The following TAFA5 variants were observed in gnomAD, a reference collection of about 807,000 sequenced individuals.
TAFA5 encodes the protein chemokine-like protein TAFA-5.
Under a neutral mutation model 15.3 loss-of-function variants are expected in TAFA5, and 6 were observed. The observed-to-expected ratio is 0.39, with a 90% CI of 0.21 to 0.77. The LOEUF is 0.77. Ranked by LOEUF, TAFA5 falls within the 30% of genes least tolerant of loss-of-function variation. The probability of loss-of-function intolerance (pLI) is 0.41; values close to 1 mark genes in which losing one functional copy is unlikely to be tolerated. For synonymous variants in TAFA5, 103 were observed against 80.7 expected, an observed-to-expected ratio of 1.28 and a Z score of -1.48; for missense variants, 161 against 193.1, an observed-to-expected ratio of 0.83 and a Z score of 0.98.
chr22:48,613,096 C>T (rs1337246601), intron 1 of TAFA5, among the ~76,000 whole-genome samples: 1 of 152,216 alleles, frequency 6.6e-6, no homozygotes, highest in Non-Finnish European at 1.5e-5. Flanking sequence ...CGGCCATTTC[C>T]AGACGGTTCC....
intron 2 of TAFA5, among the ~76,000 whole-genome samples, chr22:48,654,113 G>T (rs1034299940): frequency 3.9e-5 from 6 of 152,138 alleles, no homozygotes; most frequent in African/African-American, 1.4e-4. Flanking sequence ...CGTTGGCGCC[G>T]CGGCTCTGGA....
At chr22:48,689,541 C>T (rs1473802464) in intron 2 of TAFA5, among the ~76,000 whole-genome samples, 2 of 152,166 alleles carry the variant, frequency 1.3e-5, no homozygotes, top group Admixed American at 1.3e-4. Context: ...TGGGTGGAGA[C>T]AAAGTGGTGA....
chr22:48,567,296 C>T (rs1055270136), intron 1 of TAFA5, among the ~76,000 whole-genome samples: 1 of 152,220 alleles, frequency 6.6e-6, no homozygotes, highest in Non-Finnish European at 1.5e-5. Flanking sequence ...GGAGGGCCCT[C>T]GTGTGTGCCC....
chr22:48,663,763 A>G (rs1927524007), intron 2 of TAFA5, among the ~76,000 whole-genome samples: 1 of 152,204 alleles, frequency 6.6e-6, no homozygotes, highest in Non-Finnish European at 1.5e-5. Context: ...CACACTGTCC[A>G]AGTCAGCTGC....
At chr22:48,501,637 A>T (rs986440350) in intron 1 of TAFA5, among the ~76,000 whole-genome samples, 1 of 152,166 alleles carries the variant, frequency 6.6e-6, no homozygotes, top group Non-Finnish European at 1.5e-5. Context: ...CCCAGGCCTC[A>T]CGGGCCCCAG....
At chr22:48,629,874 G>A (rs372715880) in intron 1 of TAFA5, among the ~76,000 whole-genome samples, 3 of 152,074 alleles carry the variant, frequency 2.0e-5, no homozygotes, top group African/African-American at 4.8e-5. Flanking sequence ...CGGCAACGCC[G>A]AGTGTCCTCC....
At chr22:48,699,286 A>G (rs138651475) in intron 2 of TAFA5, among the ~76,000 whole-genome samples, 1 of 152,288 alleles carries the variant, frequency 6.6e-6, no homozygotes, top group Non-Finnish European at 1.5e-5. Flanking sequence ...CATTGTTCTG[A>G]TTACAATGTT....
chr22:48,675,308 A>G (rs1927937960), intron 2 of TAFA5, among the ~76,000 whole-genome samples: 1 of 152,196 alleles, frequency 6.6e-6, no homozygotes, highest in Admixed American at 6.5e-5. Context: ...GAGATGCAGG[A>G]CTCAGGAGGC....
intron 1 of TAFA5, among the ~76,000 whole-genome samples, chr22:48,492,532 G>T (rs1056880835): frequency 2.6e-5 from 4 of 152,124 alleles, no homozygotes; most frequent in African/African-American, 7.2e-5. Context: ...CGTGTGCTGG[G>T]ATCCATATAG....
At chr22:48,576,587 C>T (rs372699170) in intron 1 of TAFA5, 1 of 1,441,350 alleles carries the variant, frequency 6.9e-7, no homozygotes, top group Non-Finnish European at 9.2e-7. Flanking sequence ...TGTCCCCGGG[C>T]GCGCGGACCG....
intron 1 of TAFA5, among the ~76,000 whole-genome samples, chr22:48,609,784 G>A (rs1037606276): frequency 6.6e-6 from 1 of 152,198 alleles, no homozygotes; most frequent in Non-Finnish European, 1.5e-5. Flanking sequence ...CCTTCTGAGG[G>A]TCTTGGGGGA....
At chr22:48,605,116 G>A (rs1353764033) in intron 1 of TAFA5, among the ~76,000 whole-genome samples, 1 of 126,958 alleles carries the variant, frequency 7.9e-6, no homozygotes, top group Non-Finnish European at 1.7e-5. Flanking sequence ...AGGAAGAGGT[G>A]GAGGACTGAA....
intron 1 of TAFA5, among the ~76,000 whole-genome samples, chr22:48,528,082 C>T (rs1461365324): frequency 1.3e-5 from 2 of 152,248 alleles, no homozygotes; most frequent in Non-Finnish European, 2.9e-5. Context: ...CCCCGGGGCC[C>T]CCCGGTGCCT....
At chr22:48,596,849 C>T (rs748732961) in intron 1 of TAFA5, among the ~76,000 whole-genome samples, 8 of 152,256 alleles carry the variant, frequency 5.3e-5, no homozygotes, top group East Asian at 3.9e-4. Flanking sequence ...CCTTCTGTCA[C>T]CCAAGCTGGA....
intron 2 of TAFA5, among the ~76,000 whole-genome samples, chr22:48,674,847 C>T (rs1218931708): frequency 2.0e-5 from 3 of 152,116 alleles, no homozygotes; most frequent in Admixed American, 1.3e-4. Flanking sequence ...ACTATTCTTT[C>T]GGTGTTGCTG....
chr22:48,540,564 A>C (rs923819642), intron 1 of TAFA5, among the ~76,000 whole-genome samples: 1 of 150,308 alleles, frequency 6.7e-6, no homozygotes, highest in Non-Finnish European at 1.5e-5. Context: ...CGAGGTAAGA[A>C]ACGCTGAGCG....
rs78950265 is a variant in TAFA5, at chr22:48,623,834, C to T, written c.113-22763C>T. ...GGGAAAATTTTAGATTTATGGAAAACTTGAAGGCAGTTCAGAACGTTCCCA... is the reference window on the plus strand; with the variant it reads ...GGGAAAATTTTAGATTTATGGAAAATTTGAAGGCAGTTCAGAACGTTCCCA... On this transcript the variant is annotated intron_variant, in intron 1 of 3. Coordinates refer to ENST00000402357, the MANE Select transcript of TAFA5 (RefSeq NM_001082967.3). Among the ~76,000 whole-genome samples, 274 of 152,354 alleles carry T rather than the reference C, an allele frequency of 1.8e-3. 12 individuals carry two copies. The East Asian group carries it at 0.045, about 25-fold the overall frequency.
intron 3 of TAFA5, among the ~76,000 whole-genome samples, chr22:48,731,781 C>T (rs1929876328): frequency 6.6e-6 from 1 of 152,180 alleles, no homozygotes; most frequent in East Asian, 1.9e-4. Context: ...GGAGATGTTC[C>T]AGGAGATGAA....
intron 1 of TAFA5, among the ~76,000 whole-genome samples, chr22:48,551,855 C>T (rs947879848): frequency 6.6e-6 from 1 of 152,238 alleles, no homozygotes; most frequent in African/African-American, 2.4e-5. Flanking sequence ...TGCTGCCCCG[C>T]GCTTTCCCAT....
Sources: allele counts gnomAD v4.1 joint callset (sites outside exome capture counted in the v4.1 genomes callset), GRCh38; gene constraint gnomAD v4.1.1; transcripts MANE v1.5; gene names NCBI Gene and HGNC (gene_info 2026-07-23, HGNC 2026-07-21).